Variants in CCDC25 observed in about 807,000 individuals in gnomAD.
The protein encoded by CCDC25 is coiled-coil domain containing 25.
CCDC25 carries 16 observed loss-of-function variants against 35.3 expected under a neutral mutation model. The observed-to-expected ratio is 0.45, with a 90% confidence interval of 0.31 to 0.69. The LOEUF (loss-of-function observed/expected upper bound fraction) is 0.69, where lower values mean the gene tolerates loss of function less well. Ranked by LOEUF, CCDC25 falls within the 30% of genes least tolerant of loss-of-function variation. The pLI is 0.06. For missense variants in CCDC25, 179 were observed against 250.7 expected, an observed-to-expected ratio of 0.71 and a Z score of 1.93; for synonymous variants, 79 against 80.3, an observed-to-expected ratio of 0.98 and a Z score of 0.09.
chr8:27,750,233 C>T (rs1001971218), intron 5 of CCDC25, among the ~76,000 whole-genome samples: 8 of 152,180 alleles, frequency 5.3e-5, no homozygotes, highest in Admixed American at 2.6e-4. Context: ...AAGGCTTCAT[C>T]GAGGAGGCTC....
At chr8:27,765,632 A>AAG (rs1461073293) in intron 1 of CCDC25, among the ~76,000 whole-genome samples, 1 of 151,828 alleles carries the variant, frequency 6.6e-6, no homozygotes, top group Non-Finnish European at 1.5e-5. Flanking sequence ...AAGAGTTAAA[A>AAG]AAAAAAGAAA....
chr8:27,755,020 C>G (rs895496028), intron 4 of CCDC25, among the ~76,000 whole-genome samples: 7 of 152,152 alleles, frequency 4.6e-5, no homozygotes. Context: ...GAGCCCAGAT[C>G]TTTTTAAATT....
rs1186277773 is a variant in CCDC25, at chr8:27,735,991, C to T, written c.*225G>A. ...ACATGTTCTGGCAAAAACATTTTCA[C>T]TTTAAGTTATATGCTGTCAAGTTCA... is the stretch of plus-strand genomic sequence containing the variant. On this transcript the variant is annotated 3_prime_UTR_variant, in exon 9 of 9. Coordinates refer to ENST00000356537, the MANE Select transcript of CCDC25 (RefSeq NM_018246.3). The T allele has an allele frequency of 6.7e-6, 3 of 444,612 alleles. No individual in the cohort carries two copies. In the Middle Eastern group the frequency reaches 1.8e-3, roughly 267 times the overall value. The allele number at this position is 444,612 out of a possible 1,614,324, so 27.5% of individuals were successfully genotyped here.
intron 3 of CCDC25, among the ~76,000 whole-genome samples, chr8:27,760,973 C>T (rs576160709): frequency 7.9e-5 from 12 of 151,958 alleles, no homozygotes; most frequent in East Asian, 3.9e-4. Flanking sequence ...ACTAAAAATA[C>T]AAAAAATTAG....
In CCDC25 at chr8:27,737,576, T is replaced by C. The variant is rs1803277720; in HGVS notation, c.598-1331A>G. Among the ~76,000 whole-genome samples the C allele has an allele frequency of 6.6e-6, 1 of 152,162 alleles. No homozygotes were observed. The highest frequency in any genetic ancestry group is 1.5e-5 in the Non-Finnish European group (1 of 68,024). On this transcript the variant is annotated intron_variant, in intron 8 of 8. Coordinates refer to ENST00000356537, the MANE Select transcript of CCDC25 (RefSeq NM_018246.3). This position sits in a 1 kb window ranked among gnomAD's most constrained non-coding sequence, Gnocchi z 4.6. ...TTAACTTAAAAATCAACTGATCACGTTCTAAATTGGATCATAAAACATCTG... is the reference window on the plus strand; with the variant it reads ...TTAACTTAAAAATCAACTGATCACGCTCTAAATTGGATCATAAAACATCTG...
Position 27,737,243 on chromosome 8 carries a change from CCAGGCGCAAAG to C in CCDC25, c.598-1009_598-999del, listed in dbSNP as rs1426314013. Among the ~76,000 whole-genome samples the C allele has an allele frequency of 6.6e-6, 1 of 151,994 alleles. No homozygotes were observed. Among genetic ancestry groups the C allele is most frequent in the African/African-American group, 2.4e-5 (1 of 41,362 alleles). On this transcript the variant is annotated intron_variant, in intron 8 of 8. Transcript: ENST00000356537. This position sits in a 1 kb window ranked among gnomAD's most constrained non-coding sequence, Gnocchi z 4.6. ...GAACAGACTAATGATTGTGTTATATCCAGGCGCAAAGACTATGATTGCCCCAGAGTCTTAAT... is the reference window on the plus strand; with the variant it reads ...GAACAGACTAATGATTGTGTTATATCACTATGATTGCCCCAGAGTCTTAAT...
At chr8:27,743,385 C>T (rs1295990942) in intron 7 of CCDC25, among the ~76,000 whole-genome samples, 1 of 152,224 alleles carries the variant, frequency 6.6e-6, no homozygotes, top group Non-Finnish European at 1.5e-5. Flanking sequence ...TCACAGTGCT[C>T]TTAGGATGAA....
Position 27,752,537 on chromosome 8 carries a change from G to C in CCDC25, c.219C>G (p.His73Gln), listed in dbSNP as rs372276634. ...CTTGAATGCTATTGGCCTTCACAAGGTGGGCACAGTCCATCAGCACTTCCT... is the reference window on the plus strand; with the variant it reads ...CTTGAATGCTATTGGCCTTCACAAGCTGGGCACAGTCCATCAGCACTTCCT... ...IPKEVLMDCA[H>Q]LVKANSIQGC... The change falls in exon 5 of 9, where the codon CAC becomes CAG. Residue 73 changes from histidine (H) to glutamine (Q), a missense_variant. Transcript: ENST00000356537. The C allele has an allele frequency of 3.3e-5, 54 of 1,613,494 alleles. No homozygotes were observed. The highest frequency in any genetic ancestry group is 4.3e-5 in the Non-Finnish European group (51 of 1,179,682).
chr8:27,748,302 G>T lies in CCDC25; in HGVS notation c.349-23C>A, dbSNP rs370334946. ...TACCTTTAAGGGAGATAGGAGAAAA[G>T]ATATTGCATCTTTTTGTTTTTTTTC... On this transcript the variant is annotated intron_variant, in intron 6 of 8. Coordinates refer to ENST00000356537, the MANE Select transcript of CCDC25 (RefSeq NM_018246.3). The T allele has an allele frequency of 6.5e-5, 104 of 1,594,418 alleles. 2 individuals carry two copies. In the African/African-American group the frequency reaches 1.2e-3, roughly 18 times the overall value.
intron 7 of CCDC25, among the ~76,000 whole-genome samples, chr8:27,743,340 T>C (rs558699116): frequency 2.7e-4 from 41 of 152,324 alleles, no homozygotes; most frequent in South Asian, 2.1e-4. Context: ...ACAAGCTTCA[T>C]TGTATCAACC....
Position 27,733,528 on chromosome 8 carries a change from T to G in CCDC25, c.*2688A>C, listed in dbSNP as rs1398678274. Reference sequence around the variant, plus strand: ...GCTCTGGCAGCAGCAGTGCTGTCCTTGTTTCTGAGCTGCCACCTATTCACT... The same window carrying G: ...GCTCTGGCAGCAGCAGTGCTGTCCTGGTTTCTGAGCTGCCACCTATTCACT... On this transcript the variant is annotated 3_prime_UTR_variant, in exon 9 of 9. Coordinates refer to ENST00000356537, the MANE Select transcript of CCDC25 (RefSeq NM_018246.3). The G allele has an allele frequency of 6.6e-6, 1 of 152,184 alleles. No homozygotes were observed. Among genetic ancestry groups the G allele is most frequent in the Non-Finnish European group, 1.5e-5 (1 of 68,030 alleles). 9.4% of individuals were successfully genotyped at this position (152,184 alleles called of 1,614,324 possible). A position where few individuals can be genotyped will look rare whatever the true frequency, so the allele number is the denominator to read the frequency against.
rs78551631 is a variant in CCDC25 at position 27,765,072 on chromosome 8, C to A, written c.76+132G>T. 1,850 of 768,574 alleles carry A rather than the reference C, an allele frequency of 2.4e-3. 1 individual carries two copies. The highest frequency in any genetic ancestry group is 3.3e-3 in the Non-Finnish European group (1,612 of 491,376). 47.6% of individuals were successfully genotyped at this position (768,574 alleles called of 1,614,324 possible). A position where few individuals can be genotyped will look rare whatever the true frequency, so the allele number is the denominator to read the frequency against. ...CTCCCTATGTGAGCTTGTTCTGTTT[C>A]TCAAAAGCTAGTTTATCAAAGTAGG... On this transcript the variant is annotated intron_variant, in intron 2 of 8. Coordinates refer to ENST00000356537, the MANE Select transcript of CCDC25 (RefSeq NM_018246.3).
intron 6 of CCDC25, 82 bp downstream of exon 6, chr8:27,748,413 C>T (rs1347521541): frequency 3.0e-6 from 4 of 1,351,510 alleles, no homozygotes; most frequent in East Asian, 2.3e-5. Flanking sequence ...CAGCCCTCAA[C>T]AACAATGGTG....
intron 4 of CCDC25, among the ~76,000 whole-genome samples, chr8:27,754,301 T>C (rs1394580295): frequency 6.6e-6 from 1 of 152,142 alleles, no homozygotes; most frequent in Non-Finnish European, 1.5e-5. Context: ...AAATAACAAA[T>C]ATGAAAATTA....
At chr8:27,740,229 G>A (rs1199738469) in intron 8 of CCDC25, among the ~76,000 whole-genome samples, 1 of 152,144 alleles carries the variant, frequency 6.6e-6, no homozygotes, top group Non-Finnish European at 1.5e-5. Context: ...AGACCTGTAC[G>A]CCACAGTAGA....
At chr8:27,772,413 AG>A in intron 1 of CCDC25, 99 bp downstream of exon 1, 2 of 1,202,614 alleles carry the variant, frequency 1.7e-6, no homozygotes, top group Non-Finnish European at 2.4e-6. Flanking sequence ...CGCATCCAGA[AG>A]GCATTTTAGA....
chr8:27,758,954 C>G (rs1042440400), intron 3 of CCDC25, among the ~76,000 whole-genome samples: 1 of 152,084 alleles, frequency 6.6e-6, no homozygotes, highest in Non-Finnish European at 1.5e-5. Context: ...CTACAAAGAG[C>G]AGGGGAGAAT....
At chr8:27,764,492 A>G in intron 2 of CCDC25, 2 of 380,728 alleles carry the variant, frequency 5.3e-6, no homozygotes, top group East Asian at 1.2e-4. Flanking sequence ...TTGCTCAGGC[A>G]GGTCTCGAAC....
At chr8:27,738,601 G>GGTGT (rs35046025) in intron 8 of CCDC25, among the ~76,000 whole-genome samples, 12,288 of 150,006 alleles carry the variant, frequency 0.082, 547 homozygotes, top group Non-Finnish European at 0.1. Flanking sequence ...TCGGTAGGTA[G>GGTGT]GTGTGTGTGT....
Sources: allele counts gnomAD v4.1 joint callset (sites outside exome capture counted in the v4.1 genomes callset), GRCh38; gene constraint gnomAD v4.1.1; non-coding constraint Gnocchi (gnomAD v3.1); transcripts MANE v1.5; gene names NCBI Gene and HGNC (gene_info 2026-07-23, HGNC 2026-07-21).